The following SLC35F5 variants were observed in gnomAD, a reference collection of about 807,000 sequenced individuals.
SLC35F5 encodes HCV NS5A-transactivated protein 3.
In SLC35F5, 54 loss-of-function variants were observed where a neutral mutation model predicts 68.6. The ratio of observed to expected loss-of-function variants is 0.79; its 90% CI spans 0.63 to 0.99. The LOEUF (loss-of-function observed/expected upper bound fraction) is 0.99. SLC35F5 is among the 50% of genes least tolerant of loss of function. The probability of loss-of-function intolerance (pLI) is 0.00; values close to 1 mark genes in which losing one functional copy is unlikely to be tolerated. For missense variants in SLC35F5, 567 were observed against 626.9 expected (o/e 0.90, Z 1.02); for synonymous variants, 211 against 205.2 (o/e 1.03, Z -0.24).
intron 13 of SLC35F5, 92 bp downstream of exon 13, chr2:113,723,012 G>C (rs1195237718): frequency 1.3e-6 from 1 of 776,362 alleles, no homozygotes; most frequent in African/African-American, 1.8e-5. Flanking sequence ...ATTTATGTTT[G>C]TATCCTTATA....
Position 113,746,354 on chromosome 2 carries a change from C to G in SLC35F5, c.418-15G>C, listed in dbSNP as rs1469910228. 1 of 1,604,206 alleles carries G rather than the reference C, an allele frequency of 6.2e-7. No homozygotes were observed. Among genetic ancestry groups the G allele is most frequent in the Non-Finnish European group, 8.5e-7 (1 of 1,172,030 alleles). ...GCATCTGCAAACTAAATACAGATAA[C>G]AAGATACAAAATTCAATGAAACTTA... On this transcript the variant is annotated splice_polypyrimidine_tract_variant and intron_variant, in intron 4 of 15. Coordinates refer to ENST00000245680, the MANE Select transcript of SLC35F5 (RefSeq NM_025181.5).
At position 113,711,137 on chromosome 2, in the gene SLC35F5, C is replaced by CA. The variant is rs1167721182; in HGVS notation, c.*4080dup. 6.6e-6 allele frequency among the ~76,000 whole-genome samples: 1 copy of CA among 152,160 alleles called. No homozygotes were observed. The highest frequency in any genetic ancestry group is 1.5e-5 in the Non-Finnish European group (1 of 68,022). On this transcript the variant is annotated 3_prime_UTR_variant, in exon 16 of 16. Coordinates refer to ENST00000245680, the MANE Select transcript of SLC35F5 (RefSeq NM_025181.5). ...TGTCTTCATCTAGGTGCTTCTCCAT[C>CA]AAAATCCCTAGCTCAAAAATAAAAA...
intron 8 of SLC35F5, 94 bp from the exon 9 acceptor site, chr2:113,734,767 T>G (rs1438182315): frequency 7.4e-6 from 5 of 679,602 alleles, no homozygotes; most frequent in African/African-American, 5.4e-5. Flanking sequence ...GCAAATTATA[T>G]ACCTACCTTT....
chr2:113,749,795 T>TTA (rs769509330), intron 4 of SLC35F5, among the ~76,000 whole-genome samples: 1 of 152,134 alleles, frequency 6.6e-6, no homozygotes, highest in Non-Finnish European at 1.5e-5. Flanking sequence ...GTATTTCACA[T>TTA]TATATATATT....
rs1330008949 is a variant in SLC35F5, at chr2:113,710,022, C to A, written c.*5196G>T. Among the ~76,000 whole-genome samples the A allele has an allele frequency of 6.6e-6, 1 of 152,056 alleles. No individual in the cohort carries two copies. Among genetic ancestry groups the A allele is most frequent in the East Asian group, 1.9e-4 (1 of 5,186 alleles). ...TAGAGACAGGGGTCTTGCTGTATTG[C>A]CCAGCCTGATCTTGAACTCCTGGGC... On this transcript the variant is annotated 3_prime_UTR_variant, in exon 16 of 16. Transcript: ENST00000245680.
rs908203387 is a variant in SLC35F5 at position 113,713,692 on chromosome 2, G to A, written c.*1526C>T. 1 of 146,756 alleles carries A rather than the reference G, an allele frequency of 6.8e-6. No individual in the cohort carries two copies. Among genetic ancestry groups the A allele is most frequent in the Non-Finnish European group, 1.5e-5 (1 of 67,334 alleles). The allele number at this position is 146,756 out of a possible 1,614,324, so 9.1% of individuals were successfully genotyped here. A position where few individuals can be genotyped will look rare whatever the true frequency, so the allele number is the denominator to read the frequency against. ...AAACTCAACATTATTTTTAACTTGC[G>A]TTATTGGTGGTGCCAAATGAGAAAA... On this transcript the variant is annotated 3_prime_UTR_variant, in exon 16 of 16. Transcript: ENST00000245680.
intron 7 of SLC35F5, among the ~76,000 whole-genome samples, chr2:113,736,096 A>C (rs1339003355): frequency 6.7e-6 from 1 of 149,322 alleles, no homozygotes; most frequent in Admixed American, 6.7e-5. Flanking sequence ...AACAATTAGC[A>C]TTCAGGTTTT....
intron 5 of SLC35F5, among the ~76,000 whole-genome samples, chr2:113,745,279 T>C (rs1676443071): frequency 6.6e-6 from 1 of 152,142 alleles, no homozygotes; most frequent in Non-Finnish European, 1.5e-5. Flanking sequence ...AAAAAAAAAT[T>C]CTTCATAGTA....
In SLC35F5 at chr2:113,712,557, C is replaced by T. The variant is rs954371555; in HGVS notation, c.*2661G>A. On this transcript the variant is annotated 3_prime_UTR_variant, in exon 16 of 16. Transcript: ENST00000245680. ...GTCTCGATCTCCTGACCTCGTGATC[C>T]GCCCGCCTCGGCCTCCCAAAGTGCT... Among the ~76,000 whole-genome samples the T allele has an allele frequency of 2.6e-5, 4 of 152,092 alleles. No homozygotes were observed. Among genetic ancestry groups the T allele is most frequent in the East Asian group, 1.9e-4 (1 of 5,166 alleles).
In SLC35F5 at chr2:113,714,567, TCA is replaced by T. The variant is rs1287607846; in HGVS notation, c.*649_*650del. The T allele has an allele frequency of 6.6e-6, 1 of 152,148 alleles. No homozygotes were observed. The highest frequency in any genetic ancestry group is 1.5e-5 in the Non-Finnish European group (1 of 67,966). The allele number at this position is 152,148 out of a possible 1,614,324, so 9.4% of individuals were successfully genotyped here. A position where few individuals can be genotyped will look rare whatever the true frequency, so the allele number is the denominator to read the frequency against. On this transcript the variant is annotated 3_prime_UTR_variant, in exon 16 of 16. Coordinates refer to ENST00000245680, the MANE Select transcript of SLC35F5 (RefSeq NM_025181.5). Reference sequence around the variant, plus strand: ...CCCTTTAAAAATTTGCCATGGTTTGTCACAGATTTAAAATACAAGGCACCTAA... The same window carrying T: ...CCCTTTAAAAATTTGCCATGGTTTGTCAGATTTAAAATACAAGGCACCTAA...
intron 9 of SLC35F5, among the ~76,000 whole-genome samples, chr2:113,733,205 T>C (rs1466517937): frequency 6.6e-6 from 1 of 152,142 alleles, no homozygotes; most frequent in Non-Finnish European, 1.5e-5. Flanking sequence ...GCCTCTGCAG[T>C]GCTAAAATGG....
Position 113,735,862 on chromosome 2 carries a change from A to C in SLC35F5, c.751-4T>G. 1.3e-6 allele frequency: 2 copies of C among 1,592,958 alleles called. No individual in the cohort carries two copies. The highest frequency in any genetic ancestry group is 1.7e-6 in the Non-Finnish European group (2 of 1,164,198). On this transcript the variant is annotated splice_polypyrimidine_tract_variant and splice_region_variant and intron_variant, in intron 7 of 15. Coordinates refer to ENST00000245680, the MANE Select transcript of SLC35F5 (RefSeq NM_025181.5). ...ATGACAAATTTGCCAAAAACCACTA[A>C]AGAAAAAGAAAACCAAAGTGAACCC...
chr2:113,704,167 G>A (rs187989810), downstream of SLC35F5: 2 of 152,384 alleles, frequency 1.3e-5, no homozygotes, highest in African/African-American at 2.4e-5. Flanking sequence ...GAACCCCAGC[G>A]AGTCGCCACT....
In SLC35F5 at chr2:113,711,250, G is replaced by A. The variant is rs1031995117; in HGVS notation, c.*3968C>T. On this transcript the variant is annotated 3_prime_UTR_variant, in exon 16 of 16. Coordinates refer to ENST00000245680, the MANE Select transcript of SLC35F5 (RefSeq NM_025181.5). ...CATTCCAGTAAATATGCACATAGAG[G>A]GTACTCATTACTTTTGGTTGGTAAT... Among the ~76,000 whole-genome samples the A allele has an allele frequency of 6.6e-6, 1 of 151,900 alleles. No homozygotes were observed.
intron 5 of SLC35F5, among the ~76,000 whole-genome samples, 165 bp downstream of exon 5, chr2:113,746,112 C>A (rs1368158932): frequency 6.6e-6 from 1 of 152,180 alleles, no homozygotes; most frequent in Non-Finnish European, 1.5e-5. Context: ...CCCCAGGTAA[C>A]CCTAAGGAGA....
chr2:113,750,974 G>A (rs564571495), intron 3 of SLC35F5, among the ~76,000 whole-genome samples: 9 of 152,186 alleles, frequency 5.9e-5, no homozygotes, highest in South Asian at 2.1e-4. Flanking sequence ...GCAAAACTCC[G>A]TCTCTGCAGC....
Position 113,729,476 on chromosome 2 carries a change from G to T in SLC35F5, c.1015C>A (p.Leu339Ile). ...GSIWSLAGAM[L>I]YAVYIVMIKR... ...ATCATAACAATATAGACAGCATAGA[G>T]CATGGCTCCAGCAAGAGACCAAATG... The change falls in exon 11 of 16, where the codon CTC (leucine) becomes ATC (isoleucine). Residue 339 changes from leucine (L) to isoleucine (I), a missense_variant. Transcript: ENST00000245680. The T allele has an allele frequency of 6.3e-7, 1 of 1,594,000 alleles. No homozygotes were observed.
chr2:113,740,662 A>C (rs1165737672), intron 7 of SLC35F5, among the ~76,000 whole-genome samples: 1 of 151,940 alleles, frequency 6.6e-6, no homozygotes, highest in Non-Finnish European at 1.5e-5. Context: ...ACCCTCGCTC[A>C]GTCGCCCAGG....
rs140533429 is a variant in SLC35F5, at chr2:113,746,016, A to T, written c.480+261T>A. Among the ~76,000 whole-genome samples, 6 of 152,344 alleles carry T rather than the reference A, an allele frequency of 3.9e-5. No homozygotes were observed. The East Asian group carries it at 1.2e-3, about 29-fold the overall frequency. ...GAAGTGAAAAAGTTGGTTAGTAACA[A>T]AGGATTGTCCTTTATTATTTTCACT... is the stretch of plus-strand genomic sequence containing the variant. On this transcript the variant is annotated intron_variant, in intron 5 of 15. Coordinates refer to ENST00000245680, the MANE Select transcript of SLC35F5 (RefSeq NM_025181.5).
Sources: allele counts gnomAD v4.1 joint callset (sites outside exome capture counted in the v4.1 genomes callset), GRCh38; gene constraint gnomAD v4.1.1; transcripts MANE v1.5; gene names NCBI Gene and HGNC (gene_info 2026-07-23, HGNC 2026-07-21).